The following EPHA6 variants were observed in gnomAD, a reference collection of about 807,000 sequenced individuals.
EPHA6 encodes the protein ephrin type-A receptor 6.
EPHA6 carries 50 observed loss-of-function variants against 112.0 expected under a neutral mutation model. The ratio of observed to expected loss-of-function variants is 0.45; its 90% CI spans 0.36 to 0.56. The LOEUF is 0.56. EPHA6 is among the 20% of genes least tolerant of loss of function. EPHA6 has a pLI of 0.00. For synonymous variants in EPHA6, 529 were observed against 490.7 expected (o/e 1.08, Z -1.03); for missense variants, 1,280 against 1,417.4 (o/e 0.90, Z 1.56).
intron 2 of EPHA6, among the ~76,000 whole-genome samples, chr3:96,933,137 G>A (rs1044789063): frequency 6.6e-6 from 1 of 152,060 alleles, no homozygotes; most frequent in Non-Finnish European, 1.5e-5. Context: ...CTCAATCAGG[G>A]CTCCATTCCT....
chr3:96,864,451 T>C (rs1223384056), intron 1 of EPHA6, among the ~76,000 whole-genome samples: 1 of 151,998 alleles, frequency 6.6e-6, no homozygotes, highest in Non-Finnish European at 1.5e-5. Context: ...CTCAAAAGGC[T>C]ACATGCTATA....
intron 2 of EPHA6, among the ~76,000 whole-genome samples, chr3:96,884,953 A>C (rs996074503): frequency 1.3e-5 from 2 of 152,202 alleles, no homozygotes; most frequent in Non-Finnish European, 2.9e-5. Flanking sequence ...GATTTTATCT[A>C]ATGCTTGGTC....
At chr3:96,895,298 GT>G (rs2038207591) in intron 2 of EPHA6, among the ~76,000 whole-genome samples, 1 of 151,856 alleles carries the variant, frequency 6.6e-6, no homozygotes, top group Non-Finnish European at 1.5e-5. Context: ...AATAATAAAG[GT>G]TGTAGAATAA....
intron 14 of EPHA6, among the ~76,000 whole-genome samples, chr3:97,676,989 C>T (rs1267653816): frequency 6.6e-6 from 1 of 152,104 alleles, no homozygotes; most frequent in African/African-American, 2.4e-5. Flanking sequence ...CCACATATAT[C>T]TATTGAACAC....
At chr3:97,741,942 A>G (rs375224645) in intron 16 of EPHA6, among the ~76,000 whole-genome samples, 105 of 152,244 alleles carry the variant, frequency 6.9e-4, no homozygotes, top group African/African-American at 2.3e-3. Context: ...TAAATAGAAA[A>G]TACATAGTCC....
chr3:97,206,956 T>C (rs2077730177), intron 3 of EPHA6, among the ~76,000 whole-genome samples: 1 of 152,128 alleles, frequency 6.6e-6, no homozygotes, highest in Non-Finnish European at 1.5e-5. Context: ...TTACATATGC[T>C]TTCAAATTAA....
At chr3:96,940,188 G>A (rs149572725) in intron 2 of EPHA6, among the ~76,000 whole-genome samples, 24 of 152,260 alleles carry the variant, frequency 1.6e-4, no homozygotes, top group Non-Finnish European at 2.8e-4. Flanking sequence ...TCTGTCTAAT[G>A]TTGACAGTGT....
At chr3:97,002,774 A>G (rs72918210) in intron 3 of EPHA6, among the ~76,000 whole-genome samples, 1,995 of 152,176 alleles carry the variant, frequency 0.013, 47 homozygotes, top group African/African-American at 0.044. Flanking sequence ...TCATTTTTGT[A>G]TAAAATAACA....
intron 11 of EPHA6, among the ~76,000 whole-genome samples, chr3:97,559,393 T>C (rs1325473333): frequency 6.6e-6 from 1 of 151,962 alleles, no homozygotes; most frequent in Non-Finnish European, 1.5e-5. Context: ...AATGGGTTGA[T>C]GAACCAGAAA....
rs181641588 is a variant in EPHA6 at position 97,576,761 on chromosome 3, T to G, written c.2387-15851T>G. The stretch of plus-strand genomic sequence containing the variant: ...AATGTTTGCACTTATTAATCACAAT[T>G]CAACCTTGAAAAAAGAAAAAGATTT... On this transcript the variant is annotated intron_variant, in intron 11 of 17. Transcript: ENST00000389672. Among the ~76,000 whole-genome samples the G allele has an allele frequency of 1.7e-3, 266 of 152,206 alleles. 3 individuals are homozygous for G. Among genetic ancestry groups the G allele is most frequent in the African/African-American group, 6.2e-3 (259 of 41,538 alleles).
At chr3:96,895,353 G>T (rs1206948099) in intron 2 of EPHA6, among the ~76,000 whole-genome samples, 1 of 151,960 alleles carries the variant, frequency 6.6e-6, no homozygotes, top group Non-Finnish European at 1.5e-5. Flanking sequence ...TCCCATGTTT[G>T]TATTTTAAGT....
At chr3:97,442,256 T>C (rs2090161433) in intron 6 of EPHA6, among the ~76,000 whole-genome samples, 1 of 152,116 alleles carries the variant, frequency 6.6e-6, no homozygotes, top group African/African-American at 2.4e-5. Flanking sequence ...TTGGTAACTA[T>C]TCAGGAATTG....
intron 5 of EPHA6, among the ~76,000 whole-genome samples, chr3:97,378,939 G>A (rs1315092525): frequency 6.6e-6 from 1 of 152,102 alleles, no homozygotes; most frequent in Non-Finnish European, 1.5e-5. Context: ...TTAAGACTTT[G>A]GGGGACAGTT....
Position 97,623,597 on chromosome 3 carries a change from G to C in EPHA6, c.2574+12743G>C, listed in dbSNP as rs573362133. On this transcript the variant is annotated intron_variant, in intron 13 of 17. Coordinates refer to ENST00000389672, the MANE Select transcript of EPHA6 (RefSeq NM_001080448.3). ...ATGACAGAAGGGACAAAAGCTGTGT[G>C]CTTACATGGTGGAAGAGCAGAAGAG... 4.0e-5 allele frequency among the ~76,000 whole-genome samples: 6 copies of C among 151,786 alleles called. No individual in the cohort carries two copies. The East Asian group carries it at 7.8e-4, about 20-fold the overall frequency.
chr3:96,881,083 A>G (rs756502989), intron 2 of EPHA6, among the ~76,000 whole-genome samples: 6 of 152,168 alleles, frequency 3.9e-5, no homozygotes, highest in Non-Finnish European at 5.9e-5. Context: ...TTAGCTTTAC[A>G]TGGAACCACC....
At chr3:97,684,498 G>T (rs2032103101) in intron 14 of EPHA6, among the ~76,000 whole-genome samples, 1 of 152,156 alleles carries the variant, frequency 6.6e-6, no homozygotes, top group Non-Finnish European at 1.5e-5. Flanking sequence ...GAAATTCAGT[G>T]ATCAGAAAGC....
At chr3:97,325,619 TACTC>T (rs1383564793) in intron 5 of EPHA6, among the ~76,000 whole-genome samples, 1 of 152,124 alleles carries the variant, frequency 6.6e-6, no homozygotes, top group Non-Finnish European at 1.5e-5. Flanking sequence ...TGGTGCATGA[TACTC>T]ACTCAGTGAG....
chr3:96,946,388 T>A (rs1291396770), intron 2 of EPHA6, among the ~76,000 whole-genome samples: 1 of 148,366 alleles, frequency 6.7e-6, no homozygotes, highest in Admixed American at 6.7e-5. Context: ...AGTGTTCTCA[T>A]TGTTCAATTC....
chr3:97,663,895 C>T (rs1457981225), intron 14 of EPHA6, among the ~76,000 whole-genome samples: 1 of 152,108 alleles, frequency 6.6e-6, no homozygotes, highest in Non-Finnish European at 1.5e-5. Context: ...TTCTAGATCC[C>T]CGAGGAATTG....
Sources: allele counts gnomAD v4.1 joint callset (sites outside exome capture counted in the v4.1 genomes callset), GRCh38; gene constraint gnomAD v4.1.1; transcripts MANE v1.5; gene names NCBI Gene and HGNC (gene_info 2026-07-23, HGNC 2026-07-21).